CDH20: variants seen among roughly 807,000 people sequenced by gnomAD.
CDH20 encodes the protein cadherin 20.
A neutral mutation model predicts 74.2 loss-of-function variants in CDH20; 29 were observed. The observed-to-expected ratio is 0.39, with a 90% CI of 0.29 to 0.53. CDH20 has a LOEUF of 0.53. Among genes scored for constraint, CDH20 ranks in the 20% least tolerant of loss-of-function variants. The pLI, the probability that CDH20 is intolerant of heterozygous loss-of-function variation, is 0.69. For synonymous variants in CDH20, 469 were observed against 405.4 expected, an observed-to-expected ratio of 1.16 and a Z score of -1.88; for missense variants, 988 against 1,048.3, an observed-to-expected ratio of 0.94 and a Z score of 0.79.
chr18:61,411,609 T>C (rs1303826397), intron 1 of CDH20, among the ~76,000 whole-genome samples: 1 of 41,074 alleles, frequency 2.4e-5, no homozygotes, highest in East Asian at 7.9e-4. Flanking sequence ...TATATATATA[T>C]ATATATATAT....
intron 1 of CDH20, among the ~76,000 whole-genome samples, chr18:61,435,978 G>A (rs78044823): frequency 0.051 from 7,811 of 152,074 alleles, 312 homozygotes; most frequent in Admixed American, 0.11. Context: ...TCTACTTTCT[G>A]CATCTGTCAA....
At chr18:61,388,938 C>T (rs1039154940) in intron 1 of CDH20, among the ~76,000 whole-genome samples, 8 of 152,150 alleles carry the variant, frequency 5.3e-5, no homozygotes, top group Non-Finnish European at 7.3e-5. Flanking sequence ...CTTCACAGGA[C>T]GATTAAAATC....
rs189638529 is a variant in CDH20 at position 61,449,779 on chromosome 18, C to T, written c.-152-40623C>T. On this transcript the variant is annotated intron_variant, in intron 1 of 11. Transcript: ENST00000262717. ...ATAGAAAAAAATATATATATATATA[C>T]ACACACACATACATATGCACACTGG... Among the ~76,000 whole-genome samples the T allele has an allele frequency of 5.8e-4, 87 of 151,050 alleles. 1 individual carries two copies. The East Asian group carries it at 0.016, about 27-fold the overall frequency.
At chr18:61,477,506 A>C (rs2144396377) in intron 1 of CDH20, among the ~76,000 whole-genome samples, 1 of 152,222 alleles carries the variant, frequency 6.6e-6, no homozygotes, top group East Asian at 1.9e-4. Context: ...TTAGAAATTG[A>C]TAATAAACAG....
chr18:61,551,871 G>A (rs1913448698), intron 11 of CDH20, among the ~76,000 whole-genome samples: 1 of 152,178 alleles, frequency 6.6e-6, no homozygotes, highest in South Asian at 2.1e-4. Context: ...CAGAAATACT[G>A]ATTTAAAGAG....
At chr18:61,347,313 TATATATAC>T (rs1348770985) in intron 1 of CDH20, among the ~76,000 whole-genome samples, 147 of 75,410 alleles carry the variant, frequency 1.9e-3, no homozygotes, top group South Asian at 5.8e-3. Flanking sequence ...TATATATATA[TATATATAC>T]ACACACACAC....
At chr18:61,344,430 T>C (rs1568102861) in intron 1 of CDH20, among the ~76,000 whole-genome samples, 1 of 152,186 alleles carries the variant, frequency 6.6e-6, no homozygotes, top group African/African-American at 2.4e-5. Flanking sequence ...ATGAAGCCTG[T>C]TTTGTAACTA....
At chr18:61,376,199 T>A (rs1911224577) in intron 1 of CDH20, among the ~76,000 whole-genome samples, 1 of 152,130 alleles carries the variant, frequency 6.6e-6, no homozygotes, top group Non-Finnish European at 1.5e-5. Flanking sequence ...GTATGAAAGA[T>A]ACAAAGCAGC....
At chr18:61,360,783 C>T (rs1486723825) in intron 1 of CDH20, among the ~76,000 whole-genome samples, 1 of 152,246 alleles carries the variant, frequency 6.6e-6, no homozygotes, top group Non-Finnish European at 1.5e-5. Context: ...ACATTTCTAA[C>T]ACCACTTGCC....
intron 1 of CDH20, among the ~76,000 whole-genome samples, chr18:61,371,844 C>G (rs1310961145): frequency 6.6e-6 from 1 of 152,032 alleles, no homozygotes; most frequent in African/African-American, 2.4e-5. Context: ...GTCAGCATCT[C>G]TTATAGATGA....
rs115028501 is a variant in CDH20 at position 61,473,462 on chromosome 18, A to C, written c.-152-16940A>C. On this transcript the variant is annotated intron_variant, in intron 1 of 11. Coordinates refer to ENST00000262717, the MANE Select transcript of CDH20 (RefSeq NM_031891.4). ...TAGCCTCATAAGAACAAAAACTGGT[A>C]AAGTTTACACGGGTTTCTTTTAGTA... 5.8e-3 allele frequency among the ~76,000 whole-genome samples: 880 copies of C among 152,334 alleles called. 6 individuals carry two copies. The highest frequency in any genetic ancestry group is 0.019 in the African/African-American group (789 of 41,572).
rs68164759 is a variant in CDH20 at position 61,517,695 on chromosome 18, T to G, written c.1017+10135T>G. 8.5e-3 allele frequency among the ~76,000 whole-genome samples: 1,298 copies of G among 151,954 alleles called. 8 individuals are homozygous for G. The highest frequency in any genetic ancestry group is 8.1e-3 in the Non-Finnish European group (549 of 67,924). On this transcript the variant is annotated intron_variant, in intron 6 of 11. Coordinates refer to ENST00000262717, the MANE Select transcript of CDH20 (RefSeq NM_031891.4). Reference sequence around the variant, plus strand: ...AGACACCGAACTAGCTGCAGTTTTTTTTGTTGTTGTTGTTGTTTTGTTTTG... The same window carrying G: ...AGACACCGAACTAGCTGCAGTTTTTGTTGTTGTTGTTGTTGTTTTGTTTTG...
intron 1 of CDH20, among the ~76,000 whole-genome samples, chr18:61,390,984 G>A (rs1911762653): frequency 6.6e-6 from 1 of 151,992 alleles, no homozygotes; most frequent in Non-Finnish European, 1.5e-5. Flanking sequence ...CTACTTAGAA[G>A]TGAAAAAAAT....
intron 1 of CDH20, among the ~76,000 whole-genome samples, chr18:61,357,086 GC>G: frequency 6.6e-6 from 1 of 152,138 alleles, no homozygotes; most frequent in Non-Finnish European, 1.5e-5. Flanking sequence ...ACTGTCTCTT[GC>G]CTTCTAATTG....
intron 1 of CDH20, among the ~76,000 whole-genome samples, chr18:61,479,399 G>A (rs1387925359): frequency 6.6e-6 from 1 of 152,158 alleles, no homozygotes; most frequent in Non-Finnish European, 1.5e-5. Context: ...GATATTAGCA[G>A]TTGGTGTTCC....
intron 1 of CDH20, among the ~76,000 whole-genome samples, chr18:61,438,605 C>T (rs1426022376): frequency 6.6e-6 from 1 of 152,040 alleles, no homozygotes; most frequent in East Asian, 1.9e-4. Context: ...CAAAAAAGAA[C>T]AGATGCTGGT....
At chr18:61,342,397 A>C (rs1909981511) in intron 1 of CDH20, among the ~76,000 whole-genome samples, 2 of 152,294 alleles carry the variant, frequency 1.3e-5, no homozygotes. Context: ...GGCAGGATGA[A>C]GTGGTCACCA....
At chr18:61,408,445 A>T (rs1447027204) in intron 1 of CDH20, among the ~76,000 whole-genome samples, 1 of 152,202 alleles carries the variant, frequency 6.6e-6, no homozygotes, top group East Asian at 1.9e-4. Flanking sequence ...TCTGGTTTCA[A>T]CCTCTCCTCT....
intron 1 of CDH20, among the ~76,000 whole-genome samples, chr18:61,386,011 T>A (rs1410543595): frequency 6.6e-6 from 1 of 151,956 alleles, no homozygotes; most frequent in African/African-American, 2.4e-5. Flanking sequence ...ACTTCACTAG[T>A]AATTGAGTGT....
Sources: gnomAD v4.1 joint callset for allele counts (sites outside exome capture counted in the v4.1 genomes callset) on GRCh38, gnomAD v4.1.1 for gene constraint, MANE v1.5 for transcripts, NCBI Gene and HGNC (gene_info 2026-07-23, HGNC 2026-07-21) for gene names.